Variants in CSMD1 observed in about 807,000 individuals in gnomAD.
CSMD1 encodes CUB and sushi domain-containing protein 1.
A neutral mutation model predicts 417.5 loss-of-function variants in CSMD1; 213 were observed. The ratio of observed to expected loss-of-function variants is 0.51; its 90% CI spans 0.46 to 0.57. The LOEUF is 0.57. Ranked by LOEUF, CSMD1 falls within the 20% of genes least tolerant of loss-of-function variation. CSMD1 has a pLI of 0.00. For synonymous variants in CSMD1, 2,862 were observed against 1,736.8 expected (o/e 1.65, Z -16.11); for missense variants, 6,923 against 4,529.7 (o/e 1.53, Z -15.17).
chr8:3,225,986 A>C (rs1356949966), intron 27 of CSMD1, among the ~76,000 whole-genome samples: 1 of 152,204 alleles, frequency 6.6e-6, no homozygotes, highest in African/African-American at 2.4e-5. Flanking sequence ...ACCTTTATCC[A>C]CTATGCTCAA....
chr8:3,110,632 G>A (rs1274509729), intron 42 of CSMD1, among the ~76,000 whole-genome samples: 2 of 152,084 alleles, frequency 1.3e-5, no homozygotes, highest in East Asian at 1.9e-4. Context: ...GTTAACACTT[G>A]TGACCTGCTG....
intron 49 of CSMD1, among the ~76,000 whole-genome samples, chr8:3,079,517 G>C (rs1359629235): frequency 6.6e-6 from 1 of 152,116 alleles, no homozygotes; most frequent in Non-Finnish European, 1.5e-5. Context: ...AAAAAATCAA[G>C]ATAAAAGTCT....
intron 5 of CSMD1, among the ~76,000 whole-genome samples, chr8:3,983,886 T>G (rs774045274): frequency 6.6e-6 from 1 of 151,888 alleles, no homozygotes; most frequent in Non-Finnish European, 1.5e-5. Context: ...CTAATGGGAC[T>G]GTCAATTGCA....
At chr8:4,182,999 T>A (rs1353675572) in intron 3 of CSMD1, among the ~76,000 whole-genome samples, 1 of 152,078 alleles carries the variant, frequency 6.6e-6, no homozygotes, top group Admixed American at 6.6e-5. Flanking sequence ...GTCTTTCAAG[T>A]AAAGAGTAAT....
intron 30 of CSMD1, among the ~76,000 whole-genome samples, chr8:3,211,756 G>A (rs1332119573): frequency 6.6e-6 from 1 of 152,202 alleles, no homozygotes. Flanking sequence ...GCCCGCACTG[G>A]CCATGCCTCG....
chr8:4,001,927 T>A (rs1470249120), intron 4 of CSMD1, among the ~76,000 whole-genome samples: 1 of 152,200 alleles, frequency 6.6e-6, no homozygotes, highest in Non-Finnish European at 1.5e-5. Context: ...TTATGACTAT[T>A]GCATTTCTTC....
intron 54 of CSMD1, among the ~76,000 whole-genome samples, chr8:2,981,824 A>G (rs1805449250): frequency 6.6e-6 from 1 of 152,188 alleles, no homozygotes; most frequent in African/African-American, 2.4e-5. Flanking sequence ...TGAACTAGAA[A>G]TACATAAGAA....
At chr8:4,210,000 C>T (rs1241174756) in intron 3 of CSMD1, among the ~76,000 whole-genome samples, 2 of 152,152 alleles carry the variant, frequency 1.3e-5, no homozygotes, top group East Asian at 1.9e-4. Context: ...GCTGCTTCTG[C>T]CCCAGATCTG....
chr8:4,583,351 C>G (rs1799536235), intron 2 of CSMD1, among the ~76,000 whole-genome samples: 2 of 151,960 alleles, frequency 1.3e-5, no homozygotes, highest in African/African-American at 4.8e-5. Flanking sequence ...TGTAAATACA[C>G]CAATCGGCAT....
At chr8:3,710,974 T>A (rs1301665677) in intron 6 of CSMD1, among the ~76,000 whole-genome samples, 1 of 152,152 alleles carries the variant, frequency 6.6e-6, no homozygotes, top group Non-Finnish European at 1.5e-5. Flanking sequence ...CCGCCAGCTG[T>A]GCTTCTGTAT....
rs1479340460 is a variant in CSMD1, at chr8:3,000,019, T to G, written c.8142A>C (p.Gly2714=). Residue 2714 remains glycine, a synonymous_variant, in exon 53 of 70, where the codon GGA becomes GGC. Coordinates refer to ENST00000635120, the MANE Select transcript of CSMD1 (RefSeq NM_033225.6). Reference sequence around the variant, plus strand: ...CTTGCAGGCATATCCTCACGGAAGTTCCCACAAGCCGGAAACCAGGATTGC... The same window carrying G: ...CTTGCAGGCATATCCTCACGGAAGTGCCCACAAGCCGGAAACCAGGATTGC... The part of the protein sequence containing the change: ...YQCNPGFRLV[G]TSVRICLQDH... 1.2e-6 allele frequency: 2 copies of G among 1,607,504 alleles called. No individual in the cohort carries two copies. The highest frequency in any genetic ancestry group is 2.7e-5 in the African/African-American group (2 of 73,172).
intron 12 of CSMD1, among the ~76,000 whole-genome samples, chr8:3,437,980 A>G (rs935890760): frequency 6.6e-6 from 1 of 152,070 alleles, no homozygotes; most frequent in East Asian, 1.9e-4. Context: ...ACCTCAGATG[A>G]TCCGCTCACC....
intron 1 of CSMD1, among the ~76,000 whole-genome samples, chr8:4,660,482 A>G (rs1418790670): frequency 2.0e-5 from 3 of 152,170 alleles, no homozygotes; most frequent in African/African-American, 7.2e-5. Context: ...CAATTCCATT[A>G]CAAATCCTAA....
intron 9 of CSMD1, among the ~76,000 whole-genome samples, chr8:3,584,812 A>T (rs762472644): frequency 6.6e-6 from 1 of 152,208 alleles, no homozygotes; most frequent in Non-Finnish European, 1.5e-5. Context: ...CAAAGGAAAA[A>T]TAATCCATGT....
chr8:3,867,294 A>G (rs548530035), intron 5 of CSMD1, among the ~76,000 whole-genome samples: 7 of 152,264 alleles, frequency 4.6e-5, no homozygotes, highest in African/African-American at 1.7e-4. Flanking sequence ...TATAAGGAAA[A>G]CCATGACCAG....
At chr8:4,091,985 C>T (rs192132175) in intron 3 of CSMD1, among the ~76,000 whole-genome samples, 15 of 152,194 alleles carry the variant, frequency 9.9e-5, no homozygotes, top group South Asian at 6.2e-4. Context: ...ACATTTTATG[C>T]GCCTAAAAAG....
intron 5 of CSMD1, among the ~76,000 whole-genome samples, chr8:3,840,304 G>C (rs1437135836): frequency 6.6e-6 from 1 of 152,146 alleles, no homozygotes; most frequent in African/African-American, 2.4e-5. Flanking sequence ...AGGAGGCTGA[G>C]GTGCCAACTA....
intron 27 of CSMD1, among the ~76,000 whole-genome samples, chr8:3,225,936 A>C (rs1798475101): frequency 6.6e-6 from 1 of 152,224 alleles, no homozygotes; most frequent in Non-Finnish European, 1.5e-5. Flanking sequence ...AAAGAGATAA[A>C]ATCCACCTAT....
At chr8:4,147,630 T>TAG (rs1157156243) in intron 3 of CSMD1, among the ~76,000 whole-genome samples, 1 of 152,166 alleles carries the variant, frequency 6.6e-6, no homozygotes, top group Non-Finnish European at 1.5e-5. Flanking sequence ...ATGTGGCATG[T>TAG]AGTGCATGAA....
Sources: allele counts gnomAD v4.1 joint callset (sites outside exome capture counted in the v4.1 genomes callset), GRCh38; gene constraint gnomAD v4.1.1; transcripts MANE v1.5; gene names NCBI Gene and HGNC (gene_info 2026-07-23, HGNC 2026-07-21).